Variants in DCAF6 observed in about 807,000 individuals in gnomAD.
DCAF6 encodes DDB1- and CUL4-associated factor 6.
A neutral mutation model predicts 125.1 loss-of-function variants in DCAF6; 54 were observed. That is an observed-to-expected ratio of 0.43 (90% CI 0.35 to 0.54). The LOEUF (loss-of-function observed/expected upper bound fraction) is 0.54, where lower values mean the gene tolerates loss of function less well. DCAF6 is among the 20% of genes least tolerant of loss of function. DCAF6 has a pLI of 0.01. For synonymous variants in DCAF6, 371 were observed against 390.4 expected, an observed-to-expected ratio of 0.95 and a Z score of 0.58; for missense variants, 934 against 1,161.7, an observed-to-expected ratio of 0.80 and a Z score of 2.85.
rs1303210677 is a variant in DCAF6, at chr1:168,075,411, G to T, written c.2832G>T (p.Glu944Asp). 73 of 1,602,052 alleles carry T rather than the reference G, an allele frequency of 4.6e-5. No individual in the cohort carries two copies. The highest frequency in any genetic ancestry group is 6.1e-5 in the Non-Finnish European group (72 of 1,177,044). Residue 944 changes from glutamate (E) to aspartate (D), a missense_variant, in exon 22 of 22, where the codon GAG becomes GAT. Physicochemically the swap from Glu to Asp is conservative, Grantham distance 45. Around this residue, in one of 5 missense-constraint regions of DCAF6, gnomAD observed 36 missense variants for 39.8 expected, o/e 0.91. Transcript: ENST00000367840. ...ACAGATCAGAAGGCTCTGGTCAAGA[G>T]AATGAAAATGAGGATGAGGAATAAT... is the stretch of plus-strand genomic sequence containing the variant. ...EGDRSEGSGQ[E>D]NENEDEE
chr1:167,938,464 C>T (rs879406370), intron 1 of DCAF6, among the ~76,000 whole-genome samples: 1 of 152,072 alleles, frequency 6.6e-6, no homozygotes, highest in South Asian at 2.1e-4. Flanking sequence ...AGACGTTCGC[C>T]CTTACAGCAT....
the DCAF6 span, chr1:167,920,047 A>G: frequency 6.2e-6 from 10 of 1,613,544 alleles, no homozygotes; most frequent in South Asian, 7.7e-5. Flanking sequence ...ACAGACTCCA[A>G]TTTTTTGGAA....
chr1:168,061,466 T>C (rs991035800), intron 17 of DCAF6, among the ~76,000 whole-genome samples: 2 of 152,114 alleles, frequency 1.3e-5, no homozygotes, highest in Non-Finnish European at 1.5e-5. Context: ...CTATGAATTA[T>C]TCTTTAGCCT....
the DCAF6 span, among the ~76,000 whole-genome samples, chr1:167,895,037 C>A: frequency 1.3e-5 from 2 of 152,170 alleles, no homozygotes; most frequent in East Asian, 3.9e-4. Context: ...CAAAAATTAG[C>A]TGGGTGTGGT....
At chr1:167,878,636 CTA>C in the DCAF6 span, 1 of 1,613,734 alleles carries the variant, frequency 6.2e-7, no homozygotes, top group Middle Eastern at 1.7e-4. Context: ...TGACCAATGA[CTA>C]TAGCAAGAAA....
chr1:167,948,144 T>G (rs1007510090), intron 1 of DCAF6, among the ~76,000 whole-genome samples: 11 of 152,204 alleles, frequency 7.2e-5, no homozygotes, highest in Non-Finnish European at 4.4e-5. Context: ...CTTTTTTTTT[T>G]TTTTTAACTG....
Position 167,987,475 on chromosome 1 carries a change from A to G in DCAF6, c.439-20A>G, listed in dbSNP as rs1214957683. On this transcript the variant is annotated intron_variant, in intron 4 of 21. Coordinates refer to ENST00000367840, the MANE Select transcript of DCAF6 (RefSeq NM_001198956.2). ...TTTAAATGTTCGTATGATTATCTGCACTTTTCTTTTCATCTTCAGATTATG... is the reference window on the plus strand; with the variant it reads ...TTTAAATGTTCGTATGATTATCTGCGCTTTTCTTTTCATCTTCAGATTATG... 1 of 1,152,638 alleles carries G rather than the reference A, an allele frequency of 8.7e-7. No individual in the cohort carries two copies. The highest frequency in any genetic ancestry group is 1.5e-5 in the African/African-American group (1 of 65,736). 71.4% of individuals were successfully genotyped at this position (1,152,638 alleles called of 1,614,324 possible).
At chr1:167,904,011 G>A in the DCAF6 span, 1 of 1,557,574 alleles carries the variant, frequency 6.4e-7, no homozygotes. Flanking sequence ...ATGTGCAGCT[G>A]GTTTCCTTGG....
intron 10 of DCAF6, among the ~76,000 whole-genome samples, chr1:168,007,731 CCTT>C (rs1390917595): frequency 1.3e-5 from 2 of 152,012 alleles, no homozygotes; most frequent in Non-Finnish European, 2.9e-5. Context: ...TGTTCTATCT[CCTT>C]CTGAATATTA....
At chr1:167,975,082 G>A (rs1044702685) in intron 4 of DCAF6, 67 bp downstream of exon 4, 1 of 1,001,144 alleles carries the variant, frequency 1.0e-6, no homozygotes, top group South Asian at 2.5e-5. Context: ...GTACATACAT[G>A]TGTAGATGCA....
intron 10 of DCAF6, among the ~76,000 whole-genome samples, chr1:168,011,099 C>T (rs1425436930): frequency 6.7e-6 from 1 of 150,074 alleles, no homozygotes; most frequent in Non-Finnish European, 1.5e-5. Context: ...ATAGACTACT[C>T]AGACCATCAG....
At chr1:168,055,066 CAAT>C (rs1690461566) in intron 17 of DCAF6, among the ~76,000 whole-genome samples, 1 of 152,028 alleles carries the variant, frequency 6.6e-6, no homozygotes, top group Non-Finnish European at 1.5e-5. Context: ...TGAGCATTTC[CAAT>C]GAACCATAAA....
chr1:167,974,133 C>G (rs1677778312), intron 3 of DCAF6, among the ~76,000 whole-genome samples: 1 of 151,844 alleles, frequency 6.6e-6, no homozygotes, highest in Non-Finnish European at 1.5e-5. Context: ...TATGAATGAT[C>G]CAAGTTGAGT....
intron 1 of DCAF6, among the ~76,000 whole-genome samples, chr1:167,948,634 A>G (rs1266645647): frequency 6.6e-6 from 1 of 152,154 alleles, no homozygotes; most frequent in Non-Finnish European, 1.5e-5. Flanking sequence ...TGTCATTGAA[A>G]TACATTCACC....
intron 2 of DCAF6, among the ~76,000 whole-genome samples, chr1:167,963,946 G>C (rs1248432604): frequency 6.6e-6 from 1 of 152,032 alleles, no homozygotes; most frequent in Non-Finnish European, 1.5e-5. Flanking sequence ...CTTATACCTT[G>C]TACTATTTCT....
At chr1:167,959,430 A>G (rs532323730) in intron 2 of DCAF6, among the ~76,000 whole-genome samples, 1 of 152,180 alleles carries the variant, frequency 6.6e-6, no homozygotes, top group Non-Finnish European at 1.5e-5. Context: ...GATAAATACC[A>G]AGGAGCATGC....
the DCAF6 span, among the ~76,000 whole-genome samples, chr1:167,904,157 A>G: frequency 1.4e-5 from 2 of 140,968 alleles, no homozygotes; most frequent in Admixed American, 7.9e-5. Context: ...GTGTGATCTC[A>G]GCTCACTGCA....
At chr1:168,011,253 C>T (rs1004034494) in intron 10 of DCAF6, among the ~76,000 whole-genome samples, 2 of 151,712 alleles carry the variant, frequency 1.3e-5, no homozygotes, top group Non-Finnish European at 2.9e-5. Context: ...GTAACTGGGA[C>T]TACAGGCACA....
At chr1:167,942,729 G>A (rs1406967861) in intron 1 of DCAF6, among the ~76,000 whole-genome samples, 3 of 152,066 alleles carry the variant, frequency 2.0e-5, no homozygotes, top group Admixed American at 2.0e-4. Context: ...TAAGAGTCAA[G>A]TTTCATTTCT....
Sources: gnomAD v4.1 joint callset for allele counts (sites outside exome capture counted in the v4.1 genomes callset) on GRCh38, gnomAD v4.1.1 for gene constraint, gnomAD v4.1.1 regional missense constraint, MANE v1.5 for transcripts, NCBI Gene and HGNC (gene_info 2026-07-23, HGNC 2026-07-21) for gene names.